CCSER1: variants seen among roughly 807,000 people sequenced by gnomAD.
CCSER1 encodes coiled-coil serine rich protein 1, also known as serine-rich coiled-coil domain-containing protein 1.
CCSER1 carries 41 observed loss-of-function variants against 82.0 expected under a neutral mutation model. The observed-to-expected ratio is 0.50, with a 90% confidence interval of 0.39 to 0.65. CCSER1 has a LOEUF of 0.65. Among genes scored for constraint, CCSER1 ranks in the 30% least tolerant of loss-of-function variants. The pLI, the probability that CCSER1 is intolerant of heterozygous loss-of-function variation, is 0.00. For synonymous variants in CCSER1, 414 were observed against 383.9 expected (o/e 1.08, Z -0.92); for missense variants, 1,119 against 1,064.2 (o/e 1.05, Z -0.72).
At chr4:90,238,498 A>T (rs1746222557) in intron 1 of CCSER1, among the ~76,000 whole-genome samples, 1 of 152,176 alleles carries the variant, frequency 6.6e-6, no homozygotes. Context: ...ATTTTCTATG[A>T]AATATTTTGC....
chr4:90,866,635 TTTC>T (rs2150010635), intron 8 of CCSER1, among the ~76,000 whole-genome samples: 1 of 152,226 alleles, frequency 6.6e-6, no homozygotes, highest in East Asian at 1.9e-4. Flanking sequence ...GGATATGAAA[TTTC>T]TTAAGATGCC....
chr4:91,531,140 C>G (rs1383245697), intron 10 of CCSER1, among the ~76,000 whole-genome samples: 1 of 152,068 alleles, frequency 6.6e-6, no homozygotes, highest in Non-Finnish European at 1.5e-5. Flanking sequence ...AAGACATTGG[C>G]AGAAATAATT....
At chr4:91,172,497 A>T (rs184214660) in intron 10 of CCSER1, among the ~76,000 whole-genome samples, 1 of 152,352 alleles carries the variant, frequency 6.6e-6, no homozygotes, top group African/African-American at 2.4e-5. Flanking sequence ...ACATGAGACT[A>T]TGAAAGAAGG....
At chr4:90,850,906 C>T (rs1763800125) in intron 8 of CCSER1, among the ~76,000 whole-genome samples, 1 of 152,156 alleles carries the variant, frequency 6.6e-6, no homozygotes, top group Admixed American at 6.5e-5. Context: ...TATCCCCACC[C>T]AAATCTCACC....
chr4:90,385,188 A>C (rs1419481812), intron 3 of CCSER1, among the ~76,000 whole-genome samples: 1 of 152,116 alleles, frequency 6.6e-6, no homozygotes, highest in African/African-American at 2.4e-5. Context: ...CTGTGATAAA[A>C]ATATAAGTGC....
chr4:90,480,740 TCTGTTTTGGTACCAGTACCATG>T (rs2153597858), intron 5 of CCSER1, among the ~76,000 whole-genome samples: 1 of 152,262 alleles, frequency 6.6e-6, no homozygotes, highest in African/African-American at 2.4e-5. Flanking sequence ...GGTCTATATC[TCTGTTTTGGTACCAGTACCATG>T]CTGTTTTGGT....
intron 10 of CCSER1, among the ~76,000 whole-genome samples, chr4:91,159,261 C>T (rs535974314): frequency 5.9e-5 from 9 of 152,070 alleles, no homozygotes; most frequent in African/African-American, 2.2e-4. Flanking sequence ...CTGTCAAAAT[C>T]TCAACCATTG....
At position 90,967,813 on chromosome 4, in the gene CCSER1, G is replaced by A. The variant is rs1356910357; in HGVS notation, c.2172+44366G>A. Among the ~76,000 whole-genome samples, 6 of 151,962 alleles carry A rather than the reference G, an allele frequency of 3.9e-5. No individual in the cohort carries two copies. In the South Asian group the frequency reaches 1.0e-3, roughly 26 times the overall value. ...ACATATTTTTTCACAATCTCCCATG[G>A]ACAAAAGCACTGTTATGAGAACCTG... On this transcript the variant is annotated intron_variant, in intron 9 of 10. Transcript: ENST00000509176.
At chr4:90,970,278 G>A (rs1265994944) in intron 9 of CCSER1, among the ~76,000 whole-genome samples, 1 of 151,744 alleles carries the variant, frequency 6.6e-6, no homozygotes, top group African/African-American at 2.4e-5. Flanking sequence ...CATGCAAATG[G>A]TAACCAAAAG....
intron 6 of CCSER1, among the ~76,000 whole-genome samples, chr4:90,662,731 G>A (rs1264311716): frequency 6.6e-6 from 1 of 152,094 alleles, no homozygotes; most frequent in Non-Finnish European, 1.5e-5. Context: ...TTGATAAAGA[G>A]GGTGTTAATG....
At chr4:91,566,189 C>G (rs1237431815) in intron 10 of CCSER1, among the ~76,000 whole-genome samples, 3 of 152,098 alleles carry the variant, frequency 2.0e-5, no homozygotes, top group African/African-American at 4.8e-5. Context: ...TGATGAATCA[C>G]ATTTATTGAT....
chr4:91,162,550 C>T (rs960805571), intron 10 of CCSER1, among the ~76,000 whole-genome samples: 4 of 152,114 alleles, frequency 2.6e-5, no homozygotes, highest in African/African-American at 4.8e-5. Flanking sequence ...GCTGTGAATC[C>T]GTCTGGTCCC....
chr4:91,446,900 C>T lies in CCSER1; in HGVS notation c.2218-151672C>T, dbSNP rs535021676. Among the ~76,000 whole-genome samples, 9 of 151,824 alleles carry T rather than the reference C, an allele frequency of 5.9e-5. No individual in the cohort carries two copies. The South Asian group carries it at 6.2e-4, about 11-fold the overall frequency. On this transcript the variant is annotated intron_variant, in intron 10 of 10. Transcript: ENST00000509176. ...AATATATTGAATTTCTTCTTGAATT[C>T]GGGGTACTTTTTTCTTGATTTGGTT... is the stretch of plus-strand genomic sequence containing the variant.
intron 10 of CCSER1, among the ~76,000 whole-genome samples, chr4:91,294,411 T>TA (rs2149224231): frequency 6.6e-6 from 1 of 151,978 alleles, no homozygotes; most frequent in South Asian, 2.1e-4. Context: ...TGTCCCATTT[T>TA]AAAATAATAT....
chr4:91,183,347 A>T (rs568447439), intron 10 of CCSER1, among the ~76,000 whole-genome samples: 36 of 152,340 alleles, frequency 2.4e-4, no homozygotes, highest in Non-Finnish European at 4.4e-4. Context: ...TTTGAGCCAG[A>T]ATAAGAAGCT....
At chr4:91,069,138 CACAG>C (rs1399767143) in intron 9 of CCSER1, among the ~76,000 whole-genome samples, 8 of 151,826 alleles carry the variant, frequency 5.3e-5, no homozygotes, top group African/African-American at 1.5e-4. Flanking sequence ...CGCGCCACTG[CACAG>C]ACAGAGTGAG....
chr4:90,664,911 G>T (rs569650540), intron 6 of CCSER1, among the ~76,000 whole-genome samples: 12 of 152,242 alleles, frequency 7.9e-5, no homozygotes, highest in African/African-American at 2.9e-4. Flanking sequence ...AAATAATTAA[G>T]AAAATAAATA....
chr4:90,931,500 G>A (rs776747316), intron 9 of CCSER1, among the ~76,000 whole-genome samples: 6 of 151,850 alleles, frequency 4.0e-5, no homozygotes, highest in East Asian at 1.9e-4. Context: ...TTTTTTAATC[G>A]CAGAAATCAT....
chr4:90,739,529 C>T (rs1746191499), intron 7 of CCSER1, among the ~76,000 whole-genome samples: 1 of 152,162 alleles, frequency 6.6e-6, no homozygotes, highest in South Asian at 2.1e-4. Context: ...AGCACCAGGA[C>T]TTGCCCAGGA....
Sources: allele counts gnomAD v4.1 joint callset (sites outside exome capture counted in the v4.1 genomes callset), GRCh38; gene constraint gnomAD v4.1.1; transcripts MANE v1.5; gene names NCBI Gene and HGNC (gene_info 2026-07-23, HGNC 2026-07-21).